PTPRM: variants seen among roughly 807,000 people sequenced by gnomAD.
The protein encoded by PTPRM is protein tyrosine phosphatase receptor type M, also known as receptor-type tyrosine-protein phosphatase mu.
A neutral mutation model predicts 186.7 loss-of-function variants in PTPRM; 47 were observed. The observed-to-expected ratio is 0.25, with a 90% confidence interval of 0.20 to 0.32. PTPRM has a LOEUF of 0.32. Ranked by LOEUF, PTPRM falls within the 10% of genes least tolerant of loss-of-function variation. The probability of loss-of-function intolerance (pLI) is 1.00; values close to 1 mark genes in which losing one functional copy is unlikely to be tolerated. For missense variants in PTPRM, 1,494 were observed against 1,865.0 expected (o/e 0.80, Z 3.66); for synonymous variants, 668 against 674.9 (o/e 0.99, Z 0.16).
chr18:7,680,543 G>A (rs767927206), intron 1 of PTPRM, among the ~76,000 whole-genome samples: 8 of 152,102 alleles, frequency 5.3e-5, no homozygotes, highest in East Asian at 1.9e-4. Flanking sequence ...ATGACATTTC[G>A]GGTAGACGTA....
intron 14 of PTPRM, among the ~76,000 whole-genome samples, chr18:8,214,133 A>G (rs1372385897): frequency 1.3e-5 from 2 of 152,196 alleles, no homozygotes; most frequent in Non-Finnish European, 2.9e-5. Context: ...GGAGTGAGAC[A>G]TGAAAAACTG....
At chr18:7,998,493 A>G (rs2147736430) in intron 7 of PTPRM, among the ~76,000 whole-genome samples, 1 of 152,312 alleles carries the variant, frequency 6.6e-6, no homozygotes. Flanking sequence ...TCAATTTTTA[A>G]AAATTAAAAC....
rs558895012 is a variant in PTPRM, at chr18:8,158,564, T to C, written c.2300+14785T>C. The stretch of plus-strand genomic sequence containing the variant: ...AGAAATATATGCATTAAGAAAAAAA[T>C]AGTCCAATTTCTAACCTGACTTATT... On this transcript the variant is annotated intron_variant, in intron 14 of 32. Transcript: ENST00000580170. Among the ~76,000 whole-genome samples the C allele has an allele frequency of 1.5e-3, 235 of 152,230 alleles. 1 individual carries two copies. The highest frequency in any genetic ancestry group is 5.4e-3 in the African/African-American group (226 of 41,542).
intron 14 of PTPRM, among the ~76,000 whole-genome samples, chr18:8,157,062 G>A (rs533947045): frequency 1.2e-4 from 19 of 152,192 alleles, no homozygotes; most frequent in Non-Finnish European, 2.1e-4. Context: ...ACAAATGCTG[G>A]GGTCTTCCGT....
intron 7 of PTPRM, among the ~76,000 whole-genome samples, chr18:7,964,048 A>G (rs899834314): frequency 1.2e-4 from 19 of 152,224 alleles, no homozygotes; most frequent in African/African-American, 4.6e-4. Flanking sequence ...TAAGAAAAAA[A>G]ATTATTGATG....
intron 1 of PTPRM, among the ~76,000 whole-genome samples, chr18:7,733,410 T>C (rs1053861890): frequency 2.0e-5 from 3 of 152,182 alleles, no homozygotes; most frequent in African/African-American, 7.2e-5. Flanking sequence ...GCAAAGGACA[T>C]GATCTCATTC....
At chr18:8,124,322 C>T (rs561311156) in intron 13 of PTPRM, among the ~76,000 whole-genome samples, 61 of 152,282 alleles carry the variant, frequency 4.0e-4, no homozygotes, top group African/African-American at 1.3e-3. Flanking sequence ...AATAATATTT[C>T]TTTTGCATTT....
At chr18:8,166,669 G>T (rs73941036) in intron 14 of PTPRM, among the ~76,000 whole-genome samples, 2,549 of 152,312 alleles carry the variant, frequency 0.017, 76 homozygotes, top group African/African-American at 0.058. Context: ...AAGCCCTGCT[G>T]TAAGCTTTTT....
intron 1 of PTPRM, among the ~76,000 whole-genome samples, chr18:7,743,938 T>C (rs2040933747): frequency 1.3e-5 from 2 of 151,672 alleles, no homozygotes; most frequent in African/African-American, 4.9e-5. Context: ...ACTGCAAAAT[T>C]CATCAAATGG....
At chr18:7,642,162 T>C (rs1368436534) in intron 1 of PTPRM, among the ~76,000 whole-genome samples, 1 of 152,110 alleles carries the variant, frequency 6.6e-6, no homozygotes, top group Non-Finnish European at 1.5e-5. Flanking sequence ...CTGAGAAAAA[T>C]TGTACCAAAA....
At chr18:7,912,841 A>G (rs2146631423) in intron 4 of PTPRM, among the ~76,000 whole-genome samples, 1 of 152,222 alleles carries the variant, frequency 6.6e-6, no homozygotes, top group African/African-American at 2.4e-5. Flanking sequence ...TTTCAAATGA[A>G]TTTGAGAATC....
chr18:8,282,055 T>TA (rs2094909701), intron 19 of PTPRM, among the ~76,000 whole-genome samples: 1 of 151,964 alleles, frequency 6.6e-6, no homozygotes, highest in South Asian at 2.1e-4. Context: ...GATTCATATC[T>TA]AAAAAATATA....
chr18:8,359,358 AGCCTATGGAGACACCTGT>A (rs1318430823), intron 23 of PTPRM, among the ~76,000 whole-genome samples: 1 of 152,256 alleles, frequency 6.6e-6, no homozygotes, highest in African/African-American at 2.4e-5. Context: ...TGTCTAGCTG[AGCCTATGGAGACACCTGT>A]GCCTGGGCAC....
At chr18:7,615,399 C>A (rs1417971234) in intron 1 of PTPRM, among the ~76,000 whole-genome samples, 4 of 152,046 alleles carry the variant, frequency 2.6e-5, no homozygotes, top group African/African-American at 9.7e-5. Flanking sequence ...GATCACTCGC[C>A]CCTTTCTCTT....
chr18:7,705,537 G>C (rs182329039), intron 1 of PTPRM, among the ~76,000 whole-genome samples: 10 of 152,190 alleles, frequency 6.6e-5, no homozygotes, highest in Admixed American at 5.2e-4. Flanking sequence ...GAAACCTCAT[G>C]TTGGAGAAAC....
chr18:7,584,273 T>C lies in PTPRM; in HGVS notation c.73+16382T>C, dbSNP rs1041103408. Among the ~76,000 whole-genome samples, 14 of 152,294 alleles carry C rather than the reference T, an allele frequency of 9.2e-5. No individual in the cohort carries two copies. The East Asian group carries it at 2.5e-3, about 27-fold the overall frequency. ...ATCAAAATTATTTATGAAGTAATGG[T>C]CATTGTCAACAGATGCAAGTTTGTA... On this transcript the variant is annotated intron_variant, in intron 1 of 32. Transcript: ENST00000580170.
chr18:8,247,326 A>T (rs2094486293), intron 15 of PTPRM, among the ~76,000 whole-genome samples: 1 of 152,184 alleles, frequency 6.6e-6, no homozygotes, highest in Admixed American at 6.5e-5. Flanking sequence ...TTTTGTAAGG[A>T]TTTAAAATAC....
At chr18:8,201,356 C>G (rs2093853567) in intron 14 of PTPRM, among the ~76,000 whole-genome samples, 1 of 152,088 alleles carries the variant, frequency 6.6e-6, no homozygotes, top group Admixed American at 6.5e-5. Context: ...AAAATATAAT[C>G]TTCGGTTTTA....
chr18:8,057,425 C>CTTTTTT (rs763829289), intron 7 of PTPRM, among the ~76,000 whole-genome samples: 7 of 102,552 alleles, frequency 6.8e-5, no homozygotes, highest in African/African-American at 3.0e-4. Context: ...TGTGATACTT[C>CTTTTTT]TTTTTTTTTT....
Sources: gnomAD v4.1 joint callset for allele counts (sites outside exome capture counted in the v4.1 genomes callset) on GRCh38, gnomAD v4.1.1 for gene constraint, MANE v1.5 for transcripts, NCBI Gene and HGNC (gene_info 2026-07-23, HGNC 2026-07-21) for gene names.